BLM: variants seen among roughly 807,000 people sequenced by gnomAD.
BLM encodes the protein recQ-like DNA helicase BLM.
A neutral mutation model predicts 135.3 loss-of-function variants in BLM; 95 were observed. The observed-to-expected ratio is 0.70, with a 90% CI of 0.59 to 0.83. The LOEUF (loss-of-function observed/expected upper bound fraction) is 0.83. Among genes scored for constraint, BLM ranks in the 40% least tolerant of loss-of-function variants. The pLI is 0.00. For missense variants in BLM, 1,518 were observed against 1,663.9 expected (o/e 0.91, Z 1.53); for synonymous variants, 520 against 589.2 (o/e 0.88, Z 1.70).
intron 13 of BLM, among the ~76,000 whole-genome samples, 171 bp downstream of exon 13, chr15:90,783,099 C>G (rs1005884259): frequency 4.6e-5 from 7 of 152,188 alleles, no homozygotes; most frequent in African/African-American, 1.4e-4. Flanking sequence ...ATTATAAAAT[C>G]TCATTTGGTT....
intron 12 of BLM, among the ~76,000 whole-genome samples, chr15:90,774,769 G>A (rs1896427376): frequency 6.7e-6 from 1 of 148,358 alleles, no homozygotes; most frequent in Non-Finnish European, 1.5e-5. Context: ...AGAAAGTGGA[G>A]GTTGCAGTGA....
chr15:90,770,839 G>A (rs1896293280), intron 12 of BLM, among the ~76,000 whole-genome samples: 1 of 152,198 alleles, frequency 6.6e-6, no homozygotes. Flanking sequence ...TCCTTATGAA[G>A]GATATGAATG....
At chr15:90,762,157 G>A (rs1436662795) in intron 7 of BLM, among the ~76,000 whole-genome samples, 2 of 152,140 alleles carry the variant, frequency 1.3e-5, no homozygotes, top group Non-Finnish European at 2.9e-5. Flanking sequence ...TTGAGTGTTG[G>A]GGTTAGCGTA....
At chr15:90,787,629 C>T (rs989163299) in intron 14 of BLM, among the ~76,000 whole-genome samples, 3 of 151,988 alleles carry the variant, frequency 2.0e-5, no homozygotes, top group African/African-American at 7.2e-5. Flanking sequence ...CATAAGATCA[C>T]AGGGTGAGAT....
rs1596229985 is a variant in BLM at position 90,760,855 on chromosome 15, C to T, written c.1482C>T (p.Thr494=). 1 of 1,613,998 alleles carries T rather than the reference C, an allele frequency of 6.2e-7. No homozygotes were observed. Among genetic ancestry groups the T allele is most frequent in the Non-Finnish European group, 8.5e-7 (1 of 1,180,030 alleles). Residue 494 remains threonine (T), a synonymous_variant, in exon 7 of 22, where the codon ACC becomes ACT. Coordinates refer to ENST00000355112, the MANE Select transcript of BLM (RefSeq NM_000057.4). ...KNLFERPLFN[T]HLQKSFVSSN... ...TTTTTGAAAGGCCTTTATTCAATAC[C>T]CATTTACAGAAGTCCTTTGTAAGTA...
chr15:90,782,704 A>C (rs1026003243), intron 12 of BLM, 118 bp from the exon 13 acceptor site: 9 of 752,534 alleles, frequency 1.2e-5, no homozygotes, highest in Admixed American at 2.3e-5. Context: ...GGAGGCTCCA[A>C]CTCCTAATAC....
At chr15:90,773,511 CTTT>C (rs55678339) in intron 12 of BLM, among the ~76,000 whole-genome samples, 17,737 of 101,248 alleles carry the variant, frequency 0.18, 711 homozygotes, top group Non-Finnish European at 0.19. Context: ...CTTCAATGGC[CTTT>C]TTTTTTTTTT....
At chr15:90,789,999 T>G (rs1482170338) in intron 14 of BLM, among the ~76,000 whole-genome samples, 11 of 95,686 alleles carry the variant, frequency 1.1e-4, no homozygotes, top group African/African-American at 3.3e-4. Flanking sequence ...TTTTTTTTTT[T>G]TTTTTTTTTT....
intron 1 of BLM, among the ~76,000 whole-genome samples, chr15:90,744,776 G>A (rs1160612632): frequency 4.6e-5 from 7 of 152,016 alleles, no homozygotes; most frequent in South Asian, 2.1e-4. Context: ...GAGGCTGGGC[G>A]CGGTGGCTCA....
At chr15:90,797,652 G>A (rs1306369172) in intron 16 of BLM, among the ~76,000 whole-genome samples, 3 of 152,088 alleles carry the variant, frequency 2.0e-5, no homozygotes, top group African/African-American at 7.2e-5. Context: ...TGAGTGGTCA[G>A]TATTGATGGT....
At chr15:90,759,956 C>G in intron 5 of BLM, 191 bp from the exon 6 acceptor site, 6 of 305,284 alleles carry the variant, frequency 2.0e-5, no homozygotes, top group Admixed American at 1.0e-4. Flanking sequence ...GATCTTAAGA[C>G]TTTTTTTTTT....
Position 90,749,459 on chromosome 15 carries a change from A to T in BLM, c.191A>T (p.Asp64Val), listed in dbSNP as rs140382474. ...VAKTPVLRNK[D>V]VNVTEDFSFS... ...AAAACACCTGTATTAAGAAATAAAG[A>T]TGTTAATGTTACCGAAGACTTTTCC... The change falls in exon 3 of 22, where the codon GAT (aspartate) becomes GTT (valine). Residue 64 changes from aspartate (D) to valine (V), a missense_variant. Physicochemically the swap from Asp to Val is radical, Grantham distance 152. Coordinates refer to ENST00000355112, the MANE Select transcript of BLM (RefSeq NM_000057.4). 4.2e-4 allele frequency: 671 copies of T among 1,612,010 alleles called. 1 individual carries two copies. The highest frequency in any genetic ancestry group is 5.5e-4 in the Non-Finnish European group (643 of 1,178,144).
intron 17 of BLM, among the ~76,000 whole-genome samples, chr15:90,801,166 AAAAAAAAAAAAAG>A (rs1897158016): frequency 1.2e-4 from 4 of 33,930 alleles, no homozygotes; most frequent in Admixed American, 1.0e-3. Context: ...AAAAAGTTGT[AAAAAAAAAAAAAG>A]TTGGTAAAAT....
chr15:90,799,626 T>TAAAAA lies in BLM; in HGVS notation c.3358+1310_3358+1314dup, dbSNP rs10600094. 1.4e-3 allele frequency among the ~76,000 whole-genome samples: 150 copies of TAAAAA among 108,702 alleles called. 1 individual carries two copies. Among genetic ancestry groups the TAAAAA allele is most frequent in the African/African-American group, 5.4e-3 (146 of 26,794 alleles). The allele number at this position is 108,702 out of a possible 152,430, so 71.3% of individuals were successfully genotyped here. On this transcript the variant is annotated intron_variant, in intron 17 of 21. Transcript: ENST00000355112. ...CACTGAATGCCAAATAAGATGCCTG[T>TAAAAA]AAAAAAAAAAAAAAAAAAAAAAAAA...
intron 12 of BLM, among the ~76,000 whole-genome samples, chr15:90,774,730 A>T (rs1316676724): frequency 6.7e-6 from 1 of 150,298 alleles, no homozygotes; most frequent in Non-Finnish European, 1.5e-5. Context: ...GCTACTCGGG[A>T]GGCTGAGACA....
At position 90,785,032 on chromosome 15, in the gene BLM, C is replaced by T; in HGVS notation, c.2774C>T (p.Ser925Phe). The change falls in exon 14 of 22, where the codon TCT becomes TTT. Residue 925 changes from serine (S) to phenylalanine (F), a missense_variant. This residue lies in a region of BLM where 626 missense variants were observed against 681.1 expected (regional missense o/e 0.92). Transcript: ENST00000355112. ...ALAYHAGLSD[S>F]ARDEVQQKWI... is the part of the protein sequence containing the mutation. Reference sequence around the variant, plus strand: ...GCTTACCATGCTGGCCTCAGTGATTCTGCCAGAGATGAAGTGCAGCAGAAG... The same window carrying T: ...GCTTACCATGCTGGCCTCAGTGATTTTGCCAGAGATGAAGTGCAGCAGAAG... 1 of 1,614,154 alleles carries T rather than the reference C, an allele frequency of 6.2e-7. No homozygotes were observed. Among genetic ancestry groups the T allele is most frequent in the Non-Finnish European group, 8.5e-7 (1 of 1,180,036 alleles).
chr15:90,809,435 C>T (rs1897356613), intron 20 of BLM, among the ~76,000 whole-genome samples, 176 bp downstream of exon 20: 2 of 152,154 alleles, frequency 1.3e-5, no homozygotes. Flanking sequence ...GCTTATGCCC[C>T]CTGTGAGTGC....
intron 14 of BLM, among the ~76,000 whole-genome samples, chr15:90,787,775 C>A (rs538434357): frequency 1.3e-5 from 2 of 152,044 alleles, no homozygotes; most frequent in East Asian, 1.9e-4. Flanking sequence ...TATGGTGAAA[C>A]CCTGTCTCTA....
At chr15:90,774,164 TC>T (rs1390768538) in intron 12 of BLM, among the ~76,000 whole-genome samples, 1 of 135,466 alleles carries the variant, frequency 7.4e-6, no homozygotes, top group African/African-American at 2.8e-5. Context: ...AACCTCCACC[TC>T]CTGGGTTCAA....
Sources: allele counts gnomAD v4.1 joint callset (sites outside exome capture counted in the v4.1 genomes callset), GRCh38; gene constraint gnomAD v4.1.1; regional missense constraint gnomAD v4.1.1; transcripts MANE v1.5; gene names NCBI Gene and HGNC (gene_info 2026-07-23, HGNC 2026-07-21).